Variants in SHOC2 observed in about 807,000 individuals in gnomAD.
SHOC2 encodes the protein leucine-rich repeat protein SHOC-2.
Under a neutral mutation model 50.2 loss-of-function variants are expected in SHOC2, and 4 were observed. The ratio of observed to expected loss-of-function variants is 0.08; its 90% confidence interval spans 0.04 to 0.18. The LOEUF is 0.18. Among genes scored for constraint, SHOC2 ranks in the 10% least tolerant of loss-of-function variants. The pLI, the probability that SHOC2 is intolerant of heterozygous loss-of-function variation, is 1.00. For synonymous variants in SHOC2, 218 were observed against 244.5 expected (o/e 0.89, Z 1.01); for missense variants, 388 against 669.6 (o/e 0.58, Z 4.64).
Position 111,011,509 on chromosome 10 carries a change from G to A in SHOC2, c.1541-101G>A, listed in dbSNP as rs781036716. The A allele has an allele frequency of 3.9e-6, 3 of 767,550 alleles. No homozygotes were observed. The South Asian group carries it at 4.7e-5, about 12-fold the overall frequency. The allele number at this position is 767,550 out of a possible 1,614,324, so 47.5% of individuals were successfully genotyped here. ...CTAAGAAAGGAGAATAAAAGGAAATGTGTGTTCAGTATATGTAATGACCAG... is the reference window on the plus strand; with the variant it reads ...CTAAGAAAGGAGAATAAAAGGAAATATGTGTTCAGTATATGTAATGACCAG... On this transcript the variant is annotated intron_variant, in intron 8 of 8. Coordinates refer to ENST00000369452, the MANE Select transcript of SHOC2 (RefSeq NM_007373.4).
intron 1 of SHOC2, among the ~76,000 whole-genome samples, chr10:110,952,122 C>G (rs918335101): frequency 2.6e-5 from 4 of 151,826 alleles, no homozygotes; most frequent in African/African-American, 9.7e-5. Flanking sequence ...AATTTTTTGC[C>G]TTTTTACGTT....
rs1848527139 is a variant in SHOC2 at position 111,009,388 on chromosome 10, A to G, written c.1422+3A>G. ...TTGCATATCTTAAGGATTTACAGGT[A>G]AACATTATGCTGATTTTGTAGTTTT... On this transcript the variant is annotated splice_donor_region_variant and intron_variant, in intron 7 of 8. Transcript: ENST00000369452. 1.2e-6 allele frequency: 2 copies of G among 1,606,138 alleles called. No homozygotes were observed. The highest frequency in any genetic ancestry group is 1.7e-5 in the Admixed American group (1 of 59,950).
intron 3 of SHOC2, among the ~76,000 whole-genome samples, chr10:110,992,575 A>T (rs1848204683): frequency 6.6e-6 from 1 of 152,222 alleles, no homozygotes; most frequent in Non-Finnish European, 1.5e-5. Context: ...GAACTGTGCC[A>T]CAAAACCTTG....
chr10:110,919,941 C>A (rs1207135843), intron 1 of SHOC2: 2 of 192,298 alleles, frequency 1.0e-5, no homozygotes, highest in Non-Finnish European at 2.1e-5. Context: ...GGTGTGACAG[C>A]GGCCGGGGCC....
At position 111,011,940 on chromosome 10, in the gene SHOC2, G is replaced by A. The variant is rs1412730473; in HGVS notation, c.*122G>A. 7 of 820,002 alleles carry A rather than the reference G, an allele frequency of 8.5e-6. No homozygotes were observed. The highest frequency in any genetic ancestry group is 1.4e-5 in the Non-Finnish European group (7 of 502,044). The allele number at this position is 820,002 out of a possible 1,614,324, so 50.8% of individuals were successfully genotyped here. ...CAGATTTATAAAAATTGCATTATGT[G>A]TTTCTGCTAATAGAGGAATCATAGC... On this transcript the variant is annotated 3_prime_UTR_variant, in exon 9 of 9. Coordinates refer to ENST00000369452, the MANE Select transcript of SHOC2 (RefSeq NM_007373.4).
intron 2 of SHOC2, among the ~76,000 whole-genome samples, chr10:110,971,048 G>T (rs1001794096): frequency 1.3e-5 from 2 of 151,986 alleles, no homozygotes; most frequent in African/African-American, 4.8e-5. Flanking sequence ...GAAGTTTTTA[G>T]TTTGAAATAA....
At chr10:110,977,367 T>C (rs1185525640) in intron 2 of SHOC2, among the ~76,000 whole-genome samples, 1 of 152,116 alleles carries the variant, frequency 6.6e-6, no homozygotes, top group African/African-American at 2.4e-5. Flanking sequence ...TTCTCCTGCC[T>C]CCCGAGTAGC....
intron 2 of SHOC2, among the ~76,000 whole-genome samples, chr10:110,968,878 GA>G (rs1013851445): frequency 6.6e-6 from 1 of 152,076 alleles, no homozygotes; most frequent in Admixed American, 6.6e-5. Flanking sequence ...AATATAATTG[GA>G]ATTTAACCAC....
At chr10:110,948,600 A>G (rs1847292707) in intron 1 of SHOC2, among the ~76,000 whole-genome samples, 1 of 152,208 alleles carries the variant, frequency 6.6e-6, no homozygotes, top group Non-Finnish European at 1.5e-5. Flanking sequence ...GAAAATTTAC[A>G]AATATGTGGA....
In SHOC2 at chr10:110,930,735, C is replaced by CTTTTTTTTTTTTTTTTTTTTTTTT. The variant is rs772553111; in HGVS notation, c.-235+11093_-235+11094insTTTTTTTTTTTTTTTTTTTTTTTT. On this transcript the variant is annotated intron_variant, in intron 1 of 8. Transcript: ENST00000369452. ...TTTAAGCAAATATTCACGAGTAAAT[C>CTTTTTTTTTTTTTTTTTTTTTTTT]TTTTTTTTTTTTTTTGGTAGTGTTT... 1.8e-4 allele frequency among the ~76,000 whole-genome samples: 17 copies of CTTTTTTTTTTTTTTTTTTTTTTTT among 96,792 alleles called. 1 individual carries two copies. Among genetic ancestry groups the CTTTTTTTTTTTTTTTTTTTTTTTT allele is most frequent in the South Asian group, 8.3e-4 (2 of 2,402 alleles). The allele number at this position is 96,792 out of a possible 152,430, so 63.5% of individuals were successfully genotyped here.
chr10:110,961,373 AGT>A (rs1221057709), intron 1 of SHOC2, among the ~76,000 whole-genome samples: 3 of 152,202 alleles, frequency 2.0e-5, no homozygotes, highest in Admixed American at 2.0e-4. Context: ...AACGTTTGAC[AGT>A]GTCACCTGAT....
intron 5 of SHOC2, among the ~76,000 whole-genome samples, chr10:111,006,206 T>G (rs936949073): frequency 2.0e-5 from 3 of 152,252 alleles, no homozygotes; most frequent in Non-Finnish European, 4.4e-5. Flanking sequence ...GTCAGTAGTT[T>G]AGGCATAGAT....
chr10:111,006,988 T>C (rs1185849630), intron 5 of SHOC2, among the ~76,000 whole-genome samples: 5 of 152,244 alleles, frequency 3.3e-5, no homozygotes, highest in East Asian at 1.9e-4. Flanking sequence ...TTTTTTCTTA[T>C]GGATTTTTAA....
chr10:110,942,594 G>A (rs968652964), intron 1 of SHOC2, among the ~76,000 whole-genome samples: 4 of 152,176 alleles, frequency 2.6e-5, no homozygotes, highest in African/African-American at 7.2e-5. Context: ...AGAGCCGCAC[G>A]TTCTCCTCAA....
chr10:111,013,643 T>C lies in SHOC2; in HGVS notation c.*1825T>C, dbSNP rs1848609062. Reference sequence around the variant, plus strand: ...GTTAAAATTTTGTTTATAAAAGGAATTTGTTTATTACAGCTCTACCTAGAG... The same window carrying C: ...GTTAAAATTTTGTTTATAAAAGGAACTTGTTTATTACAGCTCTACCTAGAG... On this transcript the variant is annotated 3_prime_UTR_variant, in exon 9 of 9. Coordinates refer to ENST00000369452, the MANE Select transcript of SHOC2 (RefSeq NM_007373.4). The C allele has an allele frequency of 6.6e-6, 1 of 151,880 alleles. No individual in the cohort carries two copies. Among genetic ancestry groups the C allele is most frequent in the African/African-American group, 2.4e-5 (1 of 41,376 alleles). The allele number at this position is 151,880 out of a possible 1,614,324, so 9.4% of individuals were successfully genotyped here.
At chr10:110,958,739 TG>T (rs1164497239) in intron 1 of SHOC2, among the ~76,000 whole-genome samples, 3 of 152,102 alleles carry the variant, frequency 2.0e-5, no homozygotes, top group Non-Finnish European at 4.4e-5. Flanking sequence ...TTTTTTTTTT[TG>T]TTCCCTGTCT....
At chr10:110,936,729 G>C (rs1287366619) in intron 1 of SHOC2, 1 of 929,172 alleles carries the variant, frequency 1.1e-6, no homozygotes, top group Non-Finnish European at 1.7e-6. Context: ...TTCTTCTTCC[G>C]GTAGTGGATT....
chr10:110,963,671 T>C (rs1402581603), intron 1 of SHOC2, among the ~76,000 whole-genome samples: 1 of 152,180 alleles, frequency 6.6e-6, no homozygotes, highest in Non-Finnish European at 1.5e-5. Flanking sequence ...ATTGGCTCCA[T>C]CATGTTTCCA....
intron 3 of SHOC2, among the ~76,000 whole-genome samples, chr10:110,990,167 C>G (rs1253919063): frequency 6.6e-6 from 1 of 152,268 alleles, no homozygotes; most frequent in Non-Finnish European, 1.5e-5. Context: ...GCGGGACTGG[C>G]AGGCAGCTCC....
Sources: gnomAD v4.1 joint callset for allele counts (sites outside exome capture counted in the v4.1 genomes callset) on GRCh38, gnomAD v4.1.1 for gene constraint, MANE v1.5 for transcripts, NCBI Gene and HGNC (gene_info 2026-07-23, HGNC 2026-07-21) for gene names.